KLHL8: variants seen among roughly 807,000 people sequenced by gnomAD.
KLHL8 encodes the protein kelch-like protein 8.
KLHL8 carries 38 observed loss-of-function variants against 63.5 expected under a neutral mutation model. That is an observed-to-expected ratio of 0.60 (90% CI 0.46 to 0.78). The LOEUF (loss-of-function observed/expected upper bound fraction) is 0.78. Among genes scored for constraint, KLHL8 ranks in the 30% least tolerant of loss-of-function variants. The pLI is 0.00. For synonymous variants in KLHL8, 224 were observed against 254.3 expected (o/e 0.88, Z 1.13); for missense variants, 566 against 752.4 (o/e 0.75, Z 2.90).
At chr4:87,226,850 TATATAA>T (rs1733017406) in intron 1 of KLHL8, among the ~76,000 whole-genome samples, 1 of 27,646 alleles carries the variant, frequency 3.6e-5, no homozygotes, top group Non-Finnish European at 5.4e-5. Context: ...ATATATATTA[TATATAA>T]ATAATATATA....
At chr4:87,229,074 A>C (rs906919383) in intron 1 of KLHL8, among the ~76,000 whole-genome samples, 2 of 152,370 alleles carry the variant, frequency 1.3e-5, no homozygotes, top group South Asian at 4.1e-4. Flanking sequence ...AAAAACTTTT[A>C]GCCTGTTTCC....
chr4:87,164,373 G>GAAAAAAAA (rs200509459), intron 8 of KLHL8, among the ~76,000 whole-genome samples: 2 of 143,288 alleles, frequency 1.4e-5, no homozygotes, highest in Non-Finnish European at 1.5e-5. Flanking sequence ...CAGAGAAAAA[G>GAAAAAAAA]AAAAAAAAAA....
chr4:87,182,392 T>G (rs1731089813), intron 4 of KLHL8, among the ~76,000 whole-genome samples: 1 of 152,108 alleles, frequency 6.6e-6, no homozygotes, highest in Non-Finnish European at 1.5e-5. Context: ...CTCATTCTAC[T>G]CATAATCAGG....
rs771891810 is a variant in KLHL8, at chr4:87,170,116, A to G, written c.1500T>C (p.Asn500=). 6.2e-7 allele frequency: 1 copy of G among 1,614,112 alleles called. No homozygotes were observed. Among genetic ancestry groups the G allele is most frequent in the Non-Finnish European group, 8.5e-7 (1 of 1,179,998 alleles). ...VKEMGQRRAG[N]GVSKLHGCLY... ...AGCAACCATGAAGCTTGCTAACTCC[A>G]TTGCCTGCTCTTCGCTGACCCATTT... is the stretch of plus-strand genomic sequence containing the variant. The change falls in exon 8 of 10, where the codon AAT becomes AAC. Residue 500 remains asparagine, a synonymous_variant. Coordinates refer to ENST00000273963, the MANE Select transcript of KLHL8 (RefSeq NM_020803.5).
At chr4:87,181,566 A>G (rs1316486793) in intron 4 of KLHL8, among the ~76,000 whole-genome samples, 1 of 151,960 alleles carries the variant, frequency 6.6e-6, no homozygotes, top group Non-Finnish European at 1.5e-5. Flanking sequence ...TCATCTATAT[A>G]GTTCACATAG....
intron 4 of KLHL8, among the ~76,000 whole-genome samples, chr4:87,179,100 CTTTG>C (rs1360907980): frequency 6.6e-6 from 1 of 152,234 alleles, no homozygotes; most frequent in South Asian, 2.1e-4. Flanking sequence ...AAGTTCATCC[CTTTG>C]TTTTAGATTC....
At chr4:87,213,675 G>C (rs1455578582) in intron 1 of KLHL8, among the ~76,000 whole-genome samples, 1 of 152,334 alleles carries the variant, frequency 6.6e-6, no homozygotes, top group South Asian at 2.1e-4. Context: ...GCATGGCTGT[G>C]TTCCAATAAA....
chr4:87,233,354 GA>G (rs1192554427), intron 1 of KLHL8, among the ~76,000 whole-genome samples: 1 of 152,104 alleles, frequency 6.6e-6, no homozygotes, highest in African/African-American at 2.4e-5. Flanking sequence ...TTGGGAGGCC[GA>G]GGCGGGTGGA....
intron 3 of KLHL8, among the ~76,000 whole-genome samples, chr4:87,185,006 T>C (rs1731196337): frequency 6.6e-6 from 1 of 152,184 alleles, no homozygotes; most frequent in Non-Finnish European, 1.5e-5. Context: ...AAAGGAATAT[T>C]TTAAATATTC....
intron 1 of KLHL8, among the ~76,000 whole-genome samples, chr4:87,215,143 T>C (rs1023756600): frequency 1.3e-5 from 2 of 152,216 alleles, no homozygotes; most frequent in Non-Finnish European, 2.9e-5. Context: ...TACAAATCAC[T>C]GATCTTAAAA....
At chr4:87,223,447 C>T (rs961544219), upstream of KLHL8, among the ~76,000 whole-genome samples, 2 of 152,198 alleles carry the variant, frequency 1.3e-5, no homozygotes, top group South Asian at 2.1e-4. Flanking sequence ...TATCGAAGAA[C>T]ATTTTTTGAG....
At chr4:87,213,271 T>C (rs1732477040) in intron 1 of KLHL8, among the ~76,000 whole-genome samples, 1 of 152,236 alleles carries the variant, frequency 6.6e-6, no homozygotes. Context: ...AACAGGGGCC[T>C]ATATTACTCA....
At chr4:87,209,112 T>C (rs1348738239) in intron 1 of KLHL8, among the ~76,000 whole-genome samples, 2 of 152,168 alleles carry the variant, frequency 1.3e-5, no homozygotes, top group African/African-American at 4.8e-5. Context: ...CGTTAGGACT[T>C]ATAAAGTCCG....
intron 3 of KLHL8, among the ~76,000 whole-genome samples, chr4:87,184,212 C>A (rs1401762037): frequency 6.6e-6 from 1 of 152,158 alleles, no homozygotes; most frequent in Non-Finnish European, 1.5e-5. Flanking sequence ...TTTCTATTTG[C>A]TTTGCTGACA....
intron 1 of KLHL8, among the ~76,000 whole-genome samples, chr4:87,233,672 T>G (rs1348296656): frequency 6.6e-6 from 1 of 152,208 alleles, no homozygotes; most frequent in African/African-American, 2.4e-5. Flanking sequence ...ATTTCCTATT[T>G]CTGGGACATA....
At chr4:87,233,315 G>A (rs1733170232) in intron 1 of KLHL8, among the ~76,000 whole-genome samples, 1 of 152,282 alleles carries the variant, frequency 6.6e-6, no homozygotes, top group Non-Finnish European at 1.5e-5. Context: ...CTGACCGGGT[G>A]CGTGGCTCAT....
Position 87,183,463 on chromosome 4 carries a change from CAAAT to C in KLHL8, c.766-78_766-75del, listed in dbSNP as rs1731132065. 2.4e-5 allele frequency: 28 copies of C among 1,186,596 alleles called. No homozygotes were observed. In the South Asian group the frequency reaches 4.6e-4, roughly 19 times the overall value. 73.5% of individuals were successfully genotyped at this position (1,186,596 alleles called of 1,614,324 possible). A position where few individuals can be genotyped will look rare whatever the true frequency, so the allele number is the denominator to read the frequency against. On this transcript the variant is annotated intron_variant, in intron 3 of 9. Transcript: ENST00000273963. ...AAAATATAAAGTCTAAAAATTGTAT[CAAAT>C]AAAGGTGAAAACAAGATGAGTAATT...
At chr4:87,235,601 G>T (rs1733212319) in intron 1 of KLHL8, among the ~76,000 whole-genome samples, 1 of 152,140 alleles carries the variant, frequency 6.6e-6, no homozygotes, top group African/African-American at 2.4e-5. Context: ...ACTACACTTT[G>T]GGGGGCAGGG....
At chr4:87,169,248 T>A (rs1271413219) in intron 8 of KLHL8, among the ~76,000 whole-genome samples, 1 of 152,172 alleles carries the variant, frequency 6.6e-6, no homozygotes, top group Non-Finnish European at 1.5e-5. Flanking sequence ...GAGGTTGCAG[T>A]GAGCTGAGAT....
Sources: allele counts gnomAD v4.1 joint callset (sites outside exome capture counted in the v4.1 genomes callset), GRCh38; gene constraint gnomAD v4.1.1; transcripts MANE v1.5; gene names NCBI Gene and HGNC (gene_info 2026-07-23, HGNC 2026-07-21).